The following MYC variants were observed in gnomAD, a reference collection of about 807,000 sequenced individuals.
MYC encodes MYC proto-oncogene, bHLH transcription factor, also known as myc proto-oncogene protein.
Under a neutral mutation model 30.5 loss-of-function variants are expected in MYC, and 1 was observed. The observed-to-expected ratio is 0.03, with a 90% confidence interval of 0.01 to 0.16. The LOEUF (loss-of-function observed/expected upper bound fraction) is 0.16. MYC is among the 10% of genes least tolerant of loss of function. The pLI is 1.00. For missense variants in MYC, 508 were observed against 589.0 expected (o/e 0.86, Z 1.42); for synonymous variants, 267 against 250.7 (o/e 1.07, Z -0.62).
At position 127,736,275 on chromosome 8, in the gene MYC, G is replaced by T. The variant is rs1165940980; in HGVS notation, c.-319G>T. 5.6e-6 allele frequency: 3 copies of T among 539,658 alleles called. No homozygotes were observed. Among genetic ancestry groups the T allele is most frequent in the Non-Finnish European group, 9.8e-6 (3 of 307,534 alleles). 33.4% of individuals were successfully genotyped at this position (539,658 alleles called of 1,614,324 possible). On this transcript the variant is annotated 5_prime_UTR_variant, in exon 1 of 3. Transcript: ENST00000621592. ...AGCGAGAGGCAGAGGGAGCGAGCGG[G>T]CGGCCGGCTAGGGTGGAAGAGCCGG... is the stretch of plus-strand genomic sequence containing the variant.
At chr8:127,736,007 G>A, upstream of MYC, 1 of 112,606 alleles carries the variant, frequency 8.9e-6, no homozygotes, top group Non-Finnish European at 1.7e-5. Context: ...AAAGAAAAAA[G>A]ATCCTCTCTC....
At chr8:127,737,961 G>A (rs1263278449) in intron 1 of MYC, among the ~76,000 whole-genome samples, 1 of 152,214 alleles carries the variant, frequency 6.6e-6, no homozygotes, top group East Asian at 1.9e-4. Context: ...CTGCCGCTGC[G>A]GGGCCGACTC....
At position 127,740,465 on chromosome 8, in the gene MYC, G is replaced by A. The variant is rs2130102504; in HGVS notation, c.872G>A (p.Arg291Lys). ...GAAAAGAGGCAGGCTCCTGGCAAAAGGTCAGAGTCTGGATCACCTTCTGCT... is the reference window on the plus strand; with the variant it reads ...GAAAAGAGGCAGGCTCCTGGCAAAAAGTCAGAGTCTGGATCACCTTCTGCT... Residue 291 changes from arginine (R) to lysine (K), a missense_variant, in exon 3 of 3, where the codon AGG becomes AAG. By Grantham distance (26) the Arg-to-Lys change is conservative. Around this residue, in one of 5 missense-constraint regions of MYC, gnomAD observed 364 missense variants for 381.1 expected, o/e 0.96. Transcript: ENST00000621592. 1 of 1,614,094 alleles carries A rather than the reference G, an allele frequency of 6.2e-7. No homozygotes were observed. The highest frequency in any genetic ancestry group is 8.5e-7 in the Non-Finnish European group (1 of 1,180,014).
At position 127,738,001 on chromosome 8, in the gene MYC, A is replaced by G. The variant is rs1813629205; in HGVS notation, c.31-247A>G. On this transcript the variant is annotated intron_variant, in intron 1 of 2. Transcript: ENST00000621592. This position sits in a 1 kb window ranked among gnomAD's most constrained non-coding sequence, Gnocchi z 7.6. ...GCTTTGCGCTCCGGGCTCCCGGGGG[A>G]GCGGGGGCTCGGCGGGCACCAAGCC... 1.3e-5 allele frequency among the ~76,000 whole-genome samples: 2 copies of G among 149,710 alleles called. No homozygotes were observed. Among genetic ancestry groups the G allele is most frequent in the African/African-American group, 4.9e-5 (2 of 40,486 alleles).
intron 2 of MYC, among the ~76,000 whole-genome samples, chr8:127,739,659 T>A (rs977194342): frequency 1.4e-5 from 2 of 142,348 alleles, no homozygotes; most frequent in Non-Finnish European, 2.9e-5. Context: ...AACTGCAATT[T>A]TTTTTTTTTT....
chr8:127,736,763 G>T (rs1813598593), intron 1 of MYC, 140 bp downstream of exon 1: 1 of 968,602 alleles, frequency 1.0e-6, no homozygotes. Context: ...TGGTAACTGG[G>T]GCTGGGGTGG....
At chr8:127,739,658 T>A (rs1233900676) in intron 2 of MYC, among the ~76,000 whole-genome samples, 1 of 78,600 alleles carries the variant, frequency 1.3e-5, no homozygotes. Context: ...AAACTGCAAT[T>A]TTTTTTTTTT....
At position 127,742,951 on chromosome 8, in the gene MYC, A is replaced by G. The variant is rs1203420196; in HGVS notation, c.*1993A>G. On this transcript the variant is annotated 3_prime_UTR_variant, in exon 3 of 3. Transcript: ENST00000621592. ...AATCAATAAATAATTACTTTCTTTG[A>G]CTCTGACTCCTAGAATAATCTATTC... Among the ~76,000 whole-genome samples, 5 of 152,108 alleles carry G rather than the reference A, an allele frequency of 3.3e-5. No individual in the cohort carries two copies. Among genetic ancestry groups the G allele is most frequent in the African/African-American group, 7.2e-5 (3 of 41,406 alleles).
Position 127,742,711 on chromosome 8 carries a change from T to G in MYC, c.*1753T>G, listed in dbSNP as rs1770431062. Among the ~76,000 whole-genome samples, 1 of 152,224 alleles carries G rather than the reference T, an allele frequency of 6.6e-6. No homozygotes were observed. Among genetic ancestry groups the G allele is most frequent in the Non-Finnish European group, 1.5e-5 (1 of 68,046 alleles). On this transcript the variant is annotated 3_prime_UTR_variant, in exon 3 of 3. Coordinates refer to ENST00000621592, the MANE Select transcript of MYC (RefSeq NM_002467.6). ...CTTGCTTCCATCCTTTTTTACATAC[T>G]CATGACACATGCTCATCCTGAGTCC...
intron 1 of MYC, 21 bp downstream of exon 1, chr8:127,736,644 G>T: frequency 6.2e-7 from 1 of 1,613,166 alleles, no homozygotes; most frequent in South Asian, 1.1e-5. Context: ...AAGTCCACTT[G>T]CCTTTTAATT....
At position 127,738,339 on chromosome 8, in the gene MYC, A is replaced by G. The variant is rs1395774855; in HGVS notation, c.122A>G (p.Asp41Gly). Reference sequence around the variant, plus strand: ...TCGGTGCAGCCGTATTTCTACTGCGACGAGGAGGAGAACTTCTACCAGCAG... The same window carrying G: ...TCGGTGCAGCCGTATTTCTACTGCGGCGAGGAGGAGAACTTCTACCAGCAG... Residue 41 changes from aspartate to glycine, a missense_variant, in exon 2 of 3, where the codon GAC (aspartate) becomes GGC (glycine). Physicochemically the swap from Asp to Gly is moderately conservative, Grantham distance 94. Around this residue, in one of 5 missense-constraint regions of MYC, gnomAD observed 70 missense variants for 84.5 expected, o/e 0.83. Coordinates refer to ENST00000621592, the MANE Select transcript of MYC (RefSeq NM_002467.6). The surrounding 1 kb of genome is among the most constrained non-coding windows in gnomAD (Gnocchi z 7.6). 6.2e-7 allele frequency: 1 copy of G among 1,614,114 alleles called. No individual in the cohort carries two copies. Among genetic ancestry groups the G allele is most frequent in the Non-Finnish European group, 8.5e-7 (1 of 1,179,986 alleles).
intron 2 of MYC, 127 bp from the exon 3 acceptor site, chr8:127,740,269 G>A: frequency 1.0e-6 from 1 of 997,100 alleles, no homozygotes; most frequent in Non-Finnish European, 1.5e-6. Flanking sequence ...TGGCTCTTTG[G>A]GGAGATAATT....
rs1248131117 is a variant in MYC, at chr8:127,738,116, C to T, written c.31-132C>T. 1.1e-5 allele frequency: 12 copies of T among 1,132,606 alleles called. No homozygotes were observed. The highest frequency in any genetic ancestry group is 1.5e-5 in the Non-Finnish European group (12 of 813,754). The allele number at this position is 1,132,606 out of a possible 1,614,324, so 70.2% of individuals were successfully genotyped here. On this transcript the variant is annotated intron_variant, in intron 1 of 2. Coordinates refer to ENST00000621592, the MANE Select transcript of MYC (RefSeq NM_002467.6). This position sits in a 1 kb window ranked among gnomAD's most constrained non-coding sequence, Gnocchi z 7.6. ...CCTTTATTCCCCCACCAAGACCACC[C>T]AGCCGCTTTAGGGGATAGCTCTGCA...
At chr8:127,739,156 C>CCCA in intron 2 of MYC, 137 bp downstream of exon 2, 1 of 991,534 alleles carries the variant, frequency 1.0e-6, no homozygotes. Context: ...AGCTCATCAC[C>CCCA]TCTGAAACCT....
Position 127,738,204 on chromosome 8 carries a change from C to A in MYC, c.31-44C>A. On this transcript the variant is annotated intron_variant, in intron 1 of 2. Coordinates refer to ENST00000621592, the MANE Select transcript of MYC (RefSeq NM_002467.6). This position sits in a 1 kb window ranked among gnomAD's most constrained non-coding sequence, Gnocchi z 7.6. Reference sequence around the variant, plus strand: ...TGCGCCAGGTTTCCGCACCAAGACCCCTTTAACTCAAGACTGCCTCCCGCT... The same window carrying A: ...TGCGCCAGGTTTCCGCACCAAGACCACTTTAACTCAAGACTGCCTCCCGCT... 6.5e-7 allele frequency: 1 copy of A among 1,535,318 alleles called. No individual in the cohort carries two copies. The highest frequency in any genetic ancestry group is 2.3e-5 in the East Asian group (1 of 44,132).
rs190322311 is a variant in MYC at position 127,741,295 on chromosome 8, A to G, written c.*337A>G. 7.7e-6 allele frequency: 2 copies of G among 261,088 alleles called. No individual in the cohort carries two copies. The highest frequency in any genetic ancestry group is 5.7e-5 in the East Asian group (1 of 17,556). The allele number at this position is 261,088 out of a possible 1,614,324, so 16.2% of individuals were successfully genotyped here. A position where few individuals can be genotyped will look rare whatever the true frequency, so the allele number is the denominator to read the frequency against. The stretch of plus-strand genomic sequence containing the variant: ...AGTTACACAGAATTTCAATCCTAGT[A>G]TATAGTACCTAGTATTATAGGTACT... On this transcript the variant is annotated 3_prime_UTR_variant, in exon 3 of 3. Transcript: ENST00000621592.
Position 127,738,669 on chromosome 8 carries a change from G to A in MYC, c.452G>A (p.Ser151Asn), listed in dbSNP as rs2130095481. The change falls in exon 2 of 3, where the codon AGC becomes AAC. Residue 151 changes from serine to asparagine, a missense_variant. Ser to Asn is a conservative substitution (Grantham distance 46). This residue lies in a region of MYC where 364 missense variants were observed against 381.1 expected (regional missense o/e 0.96). Transcript: ENST00000621592. The surrounding 1 kb of genome is among the most constrained non-coding windows in gnomAD (Gnocchi z 7.6). Reference sequence around the variant, plus strand: ...ATCATCATCCAGGACTGTATGTGGAGCGGCTTCTCGGCCGCCGCCAAGCTC... The same window carrying A: ...ATCATCATCCAGGACTGTATGTGGAACGGCTTCTCGGCCGCCGCCAAGCTC... The A allele has an allele frequency of 6.2e-7, 1 of 1,614,092 alleles. No homozygotes were observed. Among genetic ancestry groups the A allele is most frequent in the Non-Finnish European group, 8.5e-7 (1 of 1,179,946 alleles).
intron 2 of MYC, among the ~76,000 whole-genome samples, chr8:127,739,296 A>C (rs952631469): frequency 6.6e-6 from 1 of 152,114 alleles, no homozygotes; most frequent in African/African-American, 2.4e-5. Flanking sequence ...CTTACAACTC[A>C]ATCCACTTCT....
chr8:127,742,583 T>A lies in MYC; in HGVS notation c.*1625T>A, dbSNP rs370934681. On this transcript the variant is annotated 3_prime_UTR_variant, in exon 3 of 3. Transcript: ENST00000621592. Reference sequence around the variant, plus strand: ...ACTCCTACCTTAGCCATTTGTTGAATCAGACTCATGACGGCTCCTGGGAAG... The same window carrying A: ...ACTCCTACCTTAGCCATTTGTTGAAACAGACTCATGACGGCTCCTGGGAAG... Among the ~76,000 whole-genome samples, 35 of 152,368 alleles carry A rather than the reference T, an allele frequency of 2.3e-4. No homozygotes were observed. The South Asian group carries it at 7.3e-3, about 32-fold the overall frequency.
Sources: gnomAD v4.1 joint callset for allele counts (sites outside exome capture counted in the v4.1 genomes callset) on GRCh38, gnomAD v4.1.1 for gene constraint, gnomAD v4.1.1 regional missense constraint, Gnocchi (gnomAD v3.1) non-coding constraint, MANE v1.5 for transcripts, NCBI Gene and HGNC (gene_info 2026-07-23, HGNC 2026-07-21) for gene names.